The following PAQR5 variants were observed in gnomAD, a reference collection of about 807,000 sequenced individuals.
PAQR5 encodes the protein membrane progestin receptor gamma.
PAQR5 carries 20 observed loss-of-function variants against 34.5 expected under a neutral mutation model. The ratio of observed to expected loss-of-function variants is 0.58; its 90% confidence interval spans 0.41 to 0.84. PAQR5 has a LOEUF of 0.84. Among genes scored for constraint, PAQR5 ranks in the 40% least tolerant of loss-of-function variants. The probability of loss-of-function intolerance (pLI) is 0.00; values close to 1 mark genes in which losing one functional copy is unlikely to be tolerated. For synonymous variants in PAQR5, 131 were observed against 155.6 expected (o/e 0.84, Z 1.18); for missense variants, 378 against 412.7 (o/e 0.92, Z 0.73).
intron 1 of PAQR5, among the ~76,000 whole-genome samples, chr15:69,302,100 C>G (rs573485771): frequency 6.6e-6 from 1 of 151,936 alleles, no homozygotes; most frequent in South Asian, 2.1e-4. Flanking sequence ...GGGTGTTGCT[C>G]TGTCTCAACA....
At chr15:69,320,488 A>G (rs757392685) in intron 1 of PAQR5, among the ~76,000 whole-genome samples, 7 of 152,164 alleles carry the variant, frequency 4.6e-5, no homozygotes, top group Non-Finnish European at 7.3e-5. Flanking sequence ...GGAAATAGTT[A>G]TTGCATGCTC....
At chr15:69,300,602 TTTC>T (rs2053520125) in intron 1 of PAQR5, among the ~76,000 whole-genome samples, 1 of 35,586 alleles carries the variant, frequency 2.8e-5, no homozygotes, top group African/African-American at 8.1e-5. Flanking sequence ...TCTTTCTTTC[TTTC>T]TTTCTTTCTT....
At chr15:69,371,366 C>A (rs2055557063) in intron 3 of PAQR5, among the ~76,000 whole-genome samples, 1 of 152,014 alleles carries the variant, frequency 6.6e-6, no homozygotes, top group South Asian at 2.1e-4. Context: ...AATGAGGCTG[C>A]AGCATATGAT....
Position 69,406,891 on chromosome 15 carries a change from T to G in PAQR5, c.*3069T>G, listed in dbSNP as rs2140290357. On this transcript the variant is annotated 3_prime_UTR_variant, in exon 9 of 9. Transcript: ENST00000395407. ...CCTCAAAAAAAAAAAAAAAAGAATT[T>G]GTAATTGTTGGTAGGATGTTATGGG... 6.6e-6 allele frequency: 1 copy of G among 151,924 alleles called. No homozygotes were observed. Among genetic ancestry groups the G allele is most frequent in the East Asian group, 1.9e-4 (1 of 5,164 alleles). 9.4% of individuals were successfully genotyped at this position (151,924 alleles called of 1,614,324 possible).
chr15:69,399,674 G>A (rs575126322), intron 7 of PAQR5, among the ~76,000 whole-genome samples: 1 of 151,716 alleles, frequency 6.6e-6, no homozygotes, highest in Non-Finnish European at 1.5e-5. Flanking sequence ...TTTTCTCTCC[G>A]ATTCAGTTAA....
At chr15:69,304,478 G>A (rs973207812) in intron 1 of PAQR5, among the ~76,000 whole-genome samples, 4 of 152,182 alleles carry the variant, frequency 2.6e-5, no homozygotes, top group Non-Finnish European at 5.9e-5. Context: ...AATTATGCAG[G>A]ATGGCAGTGA....
At chr15:69,380,226 G>C in intron 4 of PAQR5, 1 of 514,692 alleles carries the variant, frequency 1.9e-6, no homozygotes, top group Non-Finnish European at 3.4e-6. Flanking sequence ...GGTAAGATTT[G>C]AGGGGAAATC....
chr15:69,301,863 T>A (rs1205393921), intron 1 of PAQR5, among the ~76,000 whole-genome samples: 32 of 11,152 alleles, frequency 2.9e-3, no homozygotes, highest in Middle Eastern at 0.056. Context: ...GGGGAGATTT[T>A]TTTTTTTTTT....
rs867467907 is a variant in PAQR5 at position 69,300,815 on chromosome 15, C to T, written c.-277+1759C>T. ...CTTTCTTTCTTTCCTTCTTTCCTTC[C>T]TTCCTTCCTTCCTTCCTTTAGTTCG... is the stretch of plus-strand genomic sequence containing the variant. On this transcript the variant is annotated intron_variant, in intron 1 of 8. Transcript: ENST00000395407. 4.2e-3 allele frequency among the ~76,000 whole-genome samples: 290 copies of T among 69,708 alleles called. 66 individuals carry two copies. Among genetic ancestry groups the T allele is most frequent in the African/African-American group, 0.013 (283 of 22,558 alleles). 45.7% of individuals were successfully genotyped at this position (69,708 alleles called of 152,430 possible).
chr15:69,353,508 G>A (rs765139608), intron 2 of PAQR5, among the ~76,000 whole-genome samples: 6 of 152,176 alleles, frequency 3.9e-5, no homozygotes, highest in African/African-American at 1.2e-4. Context: ...CCGTTATTCC[G>A]AAGCAGCTGG....
chr15:69,361,282 A>G (rs1365936625), intron 3 of PAQR5, among the ~76,000 whole-genome samples: 1 of 152,198 alleles, frequency 6.6e-6, no homozygotes, highest in Non-Finnish European at 1.5e-5. Context: ...ACTGCCTACT[A>G]TGTGCAAGGG....
Position 69,300,553 on chromosome 15 carries a change from G to T in PAQR5, c.-277+1497G>T, listed in dbSNP as rs533407028. Among the ~76,000 whole-genome samples, 83 of 151,242 alleles carry T rather than the reference G, an allele frequency of 5.5e-4. 4 individuals carry two copies. Among genetic ancestry groups the T allele is most frequent in the African/African-American group, 1.9e-3 (77 of 41,178 alleles). On this transcript the variant is annotated intron_variant, in intron 1 of 8. Transcript: ENST00000395407. ...ACACCAAGAGTACATCCTTAATCCC[G>T]TATGCTTTTCTTTCTTTCTCTTTCT...
chr15:69,401,862 A>G (rs1198357248), intron 8 of PAQR5, among the ~76,000 whole-genome samples: 1 of 152,108 alleles, frequency 6.6e-6, no homozygotes, highest in Non-Finnish European at 1.5e-5. Context: ...CATTTATTGA[A>G]TATTTCTTCT....
chr15:69,337,682 A>T (rs1024182592), intron 2 of PAQR5, among the ~76,000 whole-genome samples, 181 bp downstream of exon 2: 3 of 152,232 alleles, frequency 2.0e-5, no homozygotes, highest in East Asian at 3.8e-4. Context: ...AAGCCAATTT[A>T]AAAAGCCTAA....
At chr15:69,300,383 A>G (rs2053506223) in intron 1 of PAQR5, among the ~76,000 whole-genome samples, 1 of 152,132 alleles carries the variant, frequency 6.6e-6, no homozygotes, top group African/African-American at 2.4e-5. Flanking sequence ...ATTAGCCTGC[A>G]ACAGCAAAGC....
chr15:69,349,309 G>A (rs557411285), intron 2 of PAQR5, among the ~76,000 whole-genome samples: 5 of 152,140 alleles, frequency 3.3e-5, no homozygotes, highest in Non-Finnish European at 7.3e-5. Context: ...TTTGCTTCTA[G>A]ACCTGCAACC....
chr15:69,327,866 C>G (rs1003762642), intron 1 of PAQR5, among the ~76,000 whole-genome samples: 3 of 152,122 alleles, frequency 2.0e-5, no homozygotes, highest in African/African-American at 7.2e-5. Context: ...AGGGCCCTCA[C>G]CTACCAGAGT....
chr15:69,306,967 C>G (rs1036160297), intron 1 of PAQR5, among the ~76,000 whole-genome samples: 2 of 152,184 alleles, frequency 1.3e-5, no homozygotes, highest in African/African-American at 4.8e-5. Flanking sequence ...TGGCTAATTT[C>G]ACTTAGCATA....
intron 2 of PAQR5, among the ~76,000 whole-genome samples, chr15:69,343,750 G>A (rs751394381): frequency 1.1e-4 from 17 of 152,144 alleles, no homozygotes; most frequent in African/African-American, 4.1e-4. Flanking sequence ...GGCAAAAATA[G>A]CGGCATGACT....
Sources: allele counts gnomAD v4.1 joint callset (sites outside exome capture counted in the v4.1 genomes callset), GRCh38; gene constraint gnomAD v4.1.1; transcripts MANE v1.5; gene names NCBI Gene and HGNC (gene_info 2026-07-23, HGNC 2026-07-21).